The following SLC35F3 variants were observed in gnomAD, a reference collection of about 807,000 sequenced individuals.
SLC35F3 encodes solute carrier family 35 member F3.
SLC35F3 carries 25 observed loss-of-function variants against 49.9 expected under a neutral mutation model. That is an observed-to-expected ratio of 0.50 (90% CI 0.37 to 0.70). The LOEUF (loss-of-function observed/expected upper bound fraction) is 0.70. Among genes scored for constraint, SLC35F3 ranks in the 30% least tolerant of loss-of-function variants. The probability of loss-of-function intolerance (pLI) is 0.00; values close to 1 mark genes in which losing one functional copy is unlikely to be tolerated. For missense variants in SLC35F3, 525 were observed against 639.8 expected (o/e 0.82, Z 1.94); for synonymous variants, 275 against 265.4 (o/e 1.04, Z -0.35).
chr1:234,195,005 A>T (rs965540856), intron 2 of SLC35F3, among the ~76,000 whole-genome samples: 5 of 152,190 alleles, frequency 3.3e-5, no homozygotes, highest in African/African-American at 9.7e-5. Flanking sequence ...AGGCAGCTTT[A>T]CTGTGGATAC....
Position 234,214,639 on chromosome 1 carries a change from G to A in SLC35F3, c.284-16778G>A. The A allele has an allele frequency of 6.7e-7, 1 of 1,490,078 alleles. No individual in the cohort carries two copies. Among genetic ancestry groups the A allele is most frequent in the Middle Eastern group, 1.7e-4 (1 of 5,792 alleles). 92.3% of individuals were successfully genotyped at this position (1,490,078 alleles called of 1,614,324 possible). On this transcript the variant is annotated intron_variant, in intron 2 of 7. Coordinates refer to ENST00000366618, the MANE Select transcript of SLC35F3 (RefSeq NM_173508.4). This position sits in a 1 kb window ranked among gnomAD's most constrained non-coding sequence, Gnocchi z 8.0. ...TAGCCGGGGAATGCTGCCACCCTGA[G>A]GGGGGCTGTCTGGCTGCGGGGCGCC...
intron 2 of SLC35F3, among the ~76,000 whole-genome samples, chr1:234,088,994 T>A (rs1182163038): frequency 6.6e-6 from 1 of 152,142 alleles, no homozygotes; most frequent in East Asian, 1.9e-4. Flanking sequence ...ACTTCAGGGC[T>A]CCAGCAATCT....
chr1:233,994,840 C>T (rs1663432323), intron 2 of SLC35F3, among the ~76,000 whole-genome samples: 4 of 148,832 alleles, frequency 2.7e-5, no homozygotes, highest in Admixed American at 2.7e-4. Flanking sequence ...AGCTCTTAAA[C>T]AAACAAGAAA....
At chr1:234,272,567 A>T (rs924732797) in intron 3 of SLC35F3, 1 of 152,256 alleles carries the variant, frequency 6.6e-6, no homozygotes, top group African/African-American at 2.4e-5. Flanking sequence ...AAGTCGAGAG[A>T]TGGATGAGGA....
At chr1:234,244,650 G>C (rs892035143) in intron 3 of SLC35F3, among the ~76,000 whole-genome samples, 4 of 150,568 alleles carry the variant, frequency 2.7e-5, no homozygotes, top group African/African-American at 9.8e-5. Flanking sequence ...AGTCAGGTCT[G>C]AAATTAGTAG....
intron 3 of SLC35F3, among the ~76,000 whole-genome samples, chr1:234,286,405 G>A (rs1171092764): frequency 6.6e-6 from 1 of 152,224 alleles, no homozygotes; most frequent in African/African-American, 2.4e-5. Context: ...AGGGGCGGGG[G>A]CGGGCAGCCC....
intron 2 of SLC35F3, among the ~76,000 whole-genome samples, chr1:234,127,012 A>G (rs1665658361): frequency 6.6e-6 from 1 of 152,178 alleles, no homozygotes; most frequent in Non-Finnish European, 1.5e-5. Flanking sequence ...TTGATGTTTC[A>G]TTTCAGAAAT....
At chr1:234,201,724 A>G (rs1383016700) in intron 2 of SLC35F3, among the ~76,000 whole-genome samples, 2 of 152,048 alleles carry the variant, frequency 1.3e-5, no homozygotes, top group Admixed American at 1.3e-4. Context: ...GAAATACAAG[A>G]CTTGAATGGG....
chr1:234,151,258 G>GAAA (rs35828730), intron 2 of SLC35F3, among the ~76,000 whole-genome samples: 1,540 of 146,120 alleles, frequency 0.011, 27 homozygotes, highest in African/African-American at 0.035. Context: ...TAAACTATCA[G>GAAA]AAAAAAAAAA....
intron 2 of SLC35F3, among the ~76,000 whole-genome samples, chr1:234,145,087 GACTA>G (rs1665976975): frequency 6.6e-6 from 1 of 152,188 alleles, no homozygotes; most frequent in Non-Finnish European, 1.5e-5. Context: ...CAAGGCTCAG[GACTA>G]ACTTTCATCA....
chr1:234,068,229 G>A (rs76000567), intron 2 of SLC35F3, among the ~76,000 whole-genome samples: 1 of 152,324 alleles, frequency 6.6e-6, no homozygotes, highest in Non-Finnish European at 1.5e-5. Context: ...GACTGTAAAC[G>A]TGGGATTCAA....
intron 3 of SLC35F3, among the ~76,000 whole-genome samples, chr1:234,260,298 G>A (rs1667883074): frequency 6.6e-6 from 1 of 152,232 alleles, no homozygotes; most frequent in South Asian, 2.1e-4. Context: ...CTGCCATATG[G>A]ACCCAAAAGC....
intron 2 of SLC35F3, among the ~76,000 whole-genome samples, chr1:233,976,941 C>T (rs1431050679): frequency 6.6e-6 from 1 of 152,204 alleles, no homozygotes; most frequent in Non-Finnish European, 1.5e-5. Context: ...AGTTATCATC[C>T]AAATGTGATA....
chr1:233,921,125 A>T (rs1410039566), intron 2 of SLC35F3, among the ~76,000 whole-genome samples: 1 of 152,278 alleles, frequency 6.6e-6, no homozygotes, highest in Non-Finnish European at 1.5e-5. Flanking sequence ...AAGCAGAACC[A>T]CAAGACATAT....
chr1:233,979,332 C>T (rs1349379182), intron 2 of SLC35F3, among the ~76,000 whole-genome samples: 1 of 152,102 alleles, frequency 6.6e-6, no homozygotes, highest in African/African-American at 2.4e-5. Context: ...ATTAGAAAAG[C>T]AATTTGAGTT....
chr1:234,014,413 C>T (rs1009045890), intron 2 of SLC35F3, among the ~76,000 whole-genome samples: 7 of 152,062 alleles, frequency 4.6e-5, no homozygotes, highest in African/African-American at 1.7e-4. Context: ...AGATCAGGAA[C>T]AAGATAAGAA....
At chr1:233,908,249 C>T (rs1272335131) in intron 2 of SLC35F3, among the ~76,000 whole-genome samples, 1 of 151,754 alleles carries the variant, frequency 6.6e-6, no homozygotes, top group East Asian at 1.9e-4. Context: ...AAGCTCCAAG[C>T]TATTATGTCA....
rs1667980776 is a variant in SLC35F3 at position 234,266,549 on chromosome 1, T to C, written c.608+34808T>C. ...CCATACAGTCTTCCATCATGTAACA[T>C]TGGGGATACATTCTGAGAAATGTAT... is the stretch of plus-strand genomic sequence containing the variant. On this transcript the variant is annotated intron_variant, in intron 3 of 7. Transcript: ENST00000366618. Among the ~76,000 whole-genome samples the C allele has an allele frequency of 2.0e-5, 3 of 152,216 alleles. No individual in the cohort carries two copies. In the South Asian group the frequency reaches 6.2e-4, roughly 32 times the overall value.
chr1:233,938,208 G>A (rs981002409), intron 2 of SLC35F3, among the ~76,000 whole-genome samples: 1 of 152,118 alleles, frequency 6.6e-6, no homozygotes, highest in East Asian at 1.9e-4. Flanking sequence ...TGATGTGGGG[G>A]CCCCAGATAC....
Sources: gnomAD v4.1 joint callset for allele counts (sites outside exome capture counted in the v4.1 genomes callset) on GRCh38, gnomAD v4.1.1 for gene constraint, Gnocchi (gnomAD v3.1) non-coding constraint, MANE v1.5 for transcripts, NCBI Gene and HGNC (gene_info 2026-07-23, HGNC 2026-07-21) for gene names.